The following CSMD3 variants were observed in gnomAD, a reference collection of about 807,000 sequenced individuals.
CSMD3 encodes the protein CUB and sushi domain-containing protein 3.
In CSMD3, 177 loss-of-function variants were observed where a neutral mutation model predicts 435.2. The observed-to-expected ratio is 0.41, with a 90% CI of 0.36 to 0.46. CSMD3 has a LOEUF of 0.46. Ranked by LOEUF, CSMD3 falls within the 20% of genes least tolerant of loss-of-function variation. The pLI is 0.34. For synonymous variants in CSMD3, 1,656 were observed against 1,520.5 expected (o/e 1.09, Z -2.07); for missense variants, 4,265 against 4,504.6 (o/e 0.95, Z 1.52).
intron 4 of CSMD3, among the ~76,000 whole-genome samples, chr8:113,153,184 G>T (rs1434522418): frequency 1.8e-5 from 2 of 113,236 alleles, no homozygotes; most frequent in Non-Finnish European, 3.8e-5. Context: ...AGAAGGAAGG[G>T]AGGGAAGGAG....
At chr8:113,199,111 T>C (rs1232509998) in intron 3 of CSMD3, among the ~76,000 whole-genome samples, 1 of 149,812 alleles carries the variant, frequency 6.7e-6, no homozygotes, top group Non-Finnish European at 1.5e-5. Context: ...TTCAAATATA[T>C]ATAGTATATA....
intron 3 of CSMD3, among the ~76,000 whole-genome samples, chr8:113,184,911 T>TC (rs1308057604): frequency 2.0e-5 from 3 of 152,076 alleles, no homozygotes; most frequent in African/African-American, 7.2e-5. Flanking sequence ...TCCATAACCT[T>TC]CCAGTTACTC....
chr8:112,479,442 C>T (rs943401856), intron 31 of CSMD3, among the ~76,000 whole-genome samples: 2 of 152,176 alleles, frequency 1.3e-5, no homozygotes, highest in African/African-American at 4.8e-5. Context: ...GTGCTAATAT[C>T]CAAGACAATG....
intron 10 of CSMD3, among the ~76,000 whole-genome samples, chr8:112,872,349 A>G (rs78404529): frequency 2.8e-3 from 424 of 152,142 alleles, no homozygotes; most frequent in Admixed American, 3.5e-3. Context: ...GCACTAAAAG[A>G]AAGCATATAA....
At chr8:113,305,276 A>G (rs979629108) in intron 2 of CSMD3, among the ~76,000 whole-genome samples, 1 of 152,180 alleles carries the variant, frequency 6.6e-6, no homozygotes, top group African/African-American at 2.4e-5. Context: ...CATTGTACAC[A>G]TGTACCCTAA....
Position 112,239,317 on chromosome 8 carries a change from C to T in CSMD3, c.10469-1969G>A, listed in dbSNP as rs192153216. ...TTAATTCAGCTAAACTTTTCCTTTT[C>T]GCATGGGTTATCTTTACTACAATGT... On this transcript the variant is annotated intron_variant, in intron 66 of 70. Transcript: ENST00000297405. Among the ~76,000 whole-genome samples, 363 of 152,096 alleles carry T rather than the reference C, an allele frequency of 2.4e-3. 3 individuals carry two copies. The highest frequency in any genetic ancestry group is 4.9e-3 in the Admixed American group (75 of 15,250).
intron 10 of CSMD3, among the ~76,000 whole-genome samples, chr8:112,878,682 A>G (rs1393525105): frequency 6.6e-6 from 1 of 152,190 alleles, no homozygotes; most frequent in Non-Finnish European, 1.5e-5. Flanking sequence ...TCCATCAATG[A>G]TAGACTAGAT....
intron 5 of CSMD3, among the ~76,000 whole-genome samples, chr8:113,019,959 C>A (rs937058626): frequency 2.0e-5 from 3 of 151,042 alleles, no homozygotes; most frequent in Non-Finnish European, 4.4e-5. Flanking sequence ...GTCAGGAGAT[C>A]GAGACCATCC....
chr8:112,233,023 A>G (rs1167892606), intron 68 of CSMD3, among the ~76,000 whole-genome samples: 1 of 152,222 alleles, frequency 6.6e-6, no homozygotes, highest in African/African-American at 2.4e-5. Context: ...GCTATGTCTA[A>G]TGTTGCCAAT....
intron 49 of CSMD3, among the ~76,000 whole-genome samples, chr8:112,312,330 T>C (rs1055742761): frequency 1.3e-5 from 2 of 152,036 alleles, no homozygotes; most frequent in African/African-American, 2.4e-5. Context: ...CCTTGGCTCA[T>C]TGCAACGCCC....
rs1167909943 is a variant in CSMD3, at chr8:112,545,492, A to T, written c.4564+5179T>A. On this transcript the variant is annotated intron_variant, in intron 27 of 70. Transcript: ENST00000297405. ...AGCGAGACTCCATCTCAAAAAAAAAAAAAAAAAAAAATAATAATAATAATA... is the reference window on the plus strand; with the variant it reads ...AGCGAGACTCCATCTCAAAAAAAAATAAAAAAAAAAATAATAATAATAATA... Among the ~76,000 whole-genome samples the T allele has an allele frequency of 5.0e-3, 708 of 142,580 alleles. 4 individuals carry two copies. Among genetic ancestry groups the T allele is most frequent in the African/African-American group, 0.018 (677 of 37,794 alleles). 93.5% of individuals were successfully genotyped at this position (142,580 alleles called of 152,430 possible).
rs559921847 is a variant in CSMD3 at position 112,699,827 on chromosome 8, T to C, written c.1973-9777A>G. On this transcript the variant is annotated intron_variant, in intron 13 of 70. Transcript: ENST00000297405. ...CACAAAATAAAAGGCTTATACTCTT[T>C]AGAGCTATCAAGGTCATGACAGATA... is the stretch of plus-strand genomic sequence containing the variant. Among the ~76,000 whole-genome samples the C allele has an allele frequency of 5.0e-3, 754 of 152,246 alleles. 1 individual carries two copies. The highest frequency in any genetic ancestry group is 0.016 in the African/African-American group (672 of 41,572).
At chr8:112,722,955 A>T (rs1341067694) in intron 13 of CSMD3, among the ~76,000 whole-genome samples, 7 of 152,114 alleles carry the variant, frequency 4.6e-5, no homozygotes, top group African/African-American at 1.4e-4. Context: ...AAAAAGAAAC[A>T]GAAATTAACA....
intron 1 of CSMD3, among the ~76,000 whole-genome samples, chr8:113,434,924 T>G (rs536578652): frequency 6.6e-6 from 1 of 152,232 alleles, no homozygotes; most frequent in African/African-American, 2.4e-5. Context: ...AGGTATCACA[T>G]GAAAACTCGC....
Position 112,518,825 on chromosome 8 carries a change from T to C in CSMD3, c.4565-1600A>G, listed in dbSNP as rs1823975176. 2.0e-5 allele frequency among the ~76,000 whole-genome samples: 3 copies of C among 152,016 alleles called. No homozygotes were observed. The South Asian group carries it at 6.2e-4, about 32-fold the overall frequency. ...TTGACTCACAGTTCTGTAGGCTTAGTAGGAAGCATGGCTAGGAGGCCTCAG... is the reference window on the plus strand; with the variant it reads ...TTGACTCACAGTTCTGTAGGCTTAGCAGGAAGCATGGCTAGGAGGCCTCAG... On this transcript the variant is annotated intron_variant, in intron 27 of 70. Transcript: ENST00000297405.
chr8:113,085,537 T>C lies in CSMD3; in HGVS notation c.917+13219A>G, dbSNP rs189426101. On this transcript the variant is annotated intron_variant, in intron 5 of 70. Coordinates refer to ENST00000297405, the MANE Select transcript of CSMD3 (RefSeq NM_198123.2). The stretch of plus-strand genomic sequence containing the variant: ...GATTTGGAATCAACCTAAATGCCCA[T>C]TGATGCATGAGTGGATAAAGAAAAG... Among the ~76,000 whole-genome samples, 321 of 152,256 alleles carry C rather than the reference T, an allele frequency of 2.1e-3. 4 individuals carry two copies. Among genetic ancestry groups the C allele is most frequent in the Admixed American group, 0.018 (280 of 15,294 alleles).
chr8:113,340,190 A>T (rs2094108486), intron 1 of CSMD3, among the ~76,000 whole-genome samples: 1 of 151,958 alleles, frequency 6.6e-6, no homozygotes. Context: ...ATTGACTTGT[A>T]AGTTTTGTAT....
chr8:112,512,157 C>T (rs574258358), intron 28 of CSMD3, among the ~76,000 whole-genome samples: 1 of 152,266 alleles, frequency 6.6e-6, no homozygotes, highest in African/African-American at 2.4e-5. Flanking sequence ...TTTCTTCTGC[C>T]TCTCATGAAT....
At chr8:112,903,675 G>C (rs2130463293) in intron 10 of CSMD3, among the ~76,000 whole-genome samples, 1 of 151,142 alleles carries the variant, frequency 6.6e-6, no homozygotes, top group African/African-American at 2.4e-5. Flanking sequence ...CTTATTGATA[G>C]GTCTCTCATC....
Sources: allele counts gnomAD v4.1 joint callset (sites outside exome capture counted in the v4.1 genomes callset), GRCh38; gene constraint gnomAD v4.1.1; transcripts MANE v1.5; gene names NCBI Gene and HGNC (gene_info 2026-07-23, HGNC 2026-07-21).